Variants in SLC9A2 observed in about 807,000 individuals in gnomAD.
SLC9A2 encodes solute carrier family 9 member A2.
Under a neutral mutation model 71.7 loss-of-function variants are expected in SLC9A2, and 42 were observed. The ratio of observed to expected loss-of-function variants is 0.59; its 90% CI spans 0.46 to 0.76. The LOEUF (loss-of-function observed/expected upper bound fraction) is 0.76. Ranked by LOEUF, SLC9A2 falls within the 30% of genes least tolerant of loss-of-function variation. SLC9A2 has a pLI of 0.00. For synonymous variants in SLC9A2, 396 were observed against 392.5 expected (o/e 1.01, Z -0.10); for missense variants, 829 against 1,017.4 (o/e 0.81, Z 2.52).
At chr2:102,624,104 AC>A (rs768177946) in intron 1 of SLC9A2, among the ~76,000 whole-genome samples, 9 of 152,186 alleles carry the variant, frequency 5.9e-5, no homozygotes, top group Non-Finnish European at 1.0e-4. Context: ...TATAACATTT[AC>A]CAAAACAATG....
chr2:102,632,069 T>C (rs1218860748), intron 1 of SLC9A2, among the ~76,000 whole-genome samples: 2 of 136,022 alleles, frequency 1.5e-5, no homozygotes, highest in Admixed American at 7.5e-5. Flanking sequence ...TACACACACA[T>C]ATATATACAC....
At chr2:102,636,106 A>C (rs964066240) in intron 1 of SLC9A2, among the ~76,000 whole-genome samples, 11 of 152,148 alleles carry the variant, frequency 7.2e-5, no homozygotes, top group African/African-American at 2.4e-4. Context: ...AACTATATGG[A>C]ACTGTAAGAA....
intron 3 of SLC9A2, among the ~76,000 whole-genome samples, chr2:102,677,003 T>G (rs957130295): frequency 3.3e-5 from 5 of 152,204 alleles, no homozygotes; most frequent in Admixed American, 1.3e-4. Context: ...TTCTACACAG[T>G]TCAGATTGTA....
At chr2:102,654,807 A>G (rs1676907175) in intron 1 of SLC9A2, among the ~76,000 whole-genome samples, 1 of 152,254 alleles carries the variant, frequency 6.6e-6, no homozygotes, top group African/African-American at 2.4e-5. Flanking sequence ...CTACCAGCCT[A>G]TCGCTCCTAG....
At chr2:102,703,751 T>A (rs185220491) in intron 9 of SLC9A2, among the ~76,000 whole-genome samples, 7 of 152,218 alleles carry the variant, frequency 4.6e-5, no homozygotes, top group Admixed American at 4.6e-4. Flanking sequence ...ATTTAATTAT[T>A]ATTTATGATT....
chr2:102,648,861 A>G (rs1676779757), intron 1 of SLC9A2, among the ~76,000 whole-genome samples: 1 of 152,236 alleles, frequency 6.6e-6, no homozygotes, highest in Non-Finnish European at 1.5e-5. Flanking sequence ...AAAACATTCC[A>G]TGCTCATGGA....
intron 10 of SLC9A2, 62 bp from the exon 11 acceptor site, chr2:102,705,784 T>G (rs1677962736): frequency 1.0e-6 from 1 of 968,058 alleles, no homozygotes; most frequent in Non-Finnish European, 1.5e-6. Flanking sequence ...CAATTTTTAA[T>G]CTTTAATATA....
chr2:102,669,419 G>A (rs952118634), intron 3 of SLC9A2, among the ~76,000 whole-genome samples: 1 of 152,158 alleles, frequency 6.6e-6, no homozygotes, highest in Non-Finnish European at 1.5e-5. Context: ...GGAATAAATT[G>A]TGGCAATAGG....
intron 7 of SLC9A2, among the ~76,000 whole-genome samples, chr2:102,695,826 A>AT (rs1558723334): frequency 9.2e-6 from 1 of 108,648 alleles, no homozygotes; most frequent in Non-Finnish European, 2.2e-5. Context: ...TATATATATA[A>AT]AAAGCTAAAA....
chr2:102,653,489 T>G (rs1311957181), intron 1 of SLC9A2, among the ~76,000 whole-genome samples: 1 of 152,230 alleles, frequency 6.6e-6, no homozygotes, highest in Admixed American at 6.5e-5. Flanking sequence ...CCATGTTTTA[T>G]TTGCTGCTTC....
chr2:102,631,956 T>G (rs1676363312), intron 1 of SLC9A2, among the ~76,000 whole-genome samples: 1 of 140,700 alleles, frequency 7.1e-6, no homozygotes, highest in Non-Finnish European at 1.5e-5. Flanking sequence ...TAACAAGTAT[T>G]CATCTACTTG....
chr2:102,621,262 C>G (rs1463073131), intron 1 of SLC9A2, among the ~76,000 whole-genome samples: 1 of 147,304 alleles, frequency 6.8e-6, no homozygotes, highest in Admixed American at 7.0e-5. Context: ...GGAGGAGGAT[C>G]GCTTAAACTC....
intron 1 of SLC9A2, among the ~76,000 whole-genome samples, chr2:102,637,532 C>G (rs1301754560): frequency 2.6e-5 from 4 of 152,162 alleles, no homozygotes; most frequent in African/African-American, 9.7e-5. Flanking sequence ...GGGCATGAGT[C>G]AAATCCTGCG....
chr2:102,676,801 C>T (rs979208062), intron 3 of SLC9A2, among the ~76,000 whole-genome samples: 2 of 152,206 alleles, frequency 1.3e-5, no homozygotes, highest in African/African-American at 2.4e-5. Flanking sequence ...TTAATCAATA[C>T]AGAAAAAGCT....
At chr2:102,654,907 A>C (rs1358885332) in intron 1 of SLC9A2, among the ~76,000 whole-genome samples, 3 of 152,228 alleles carry the variant, frequency 2.0e-5, no homozygotes, top group Admixed American at 2.0e-4. Context: ...ACATATCTAG[A>C]CATAGAAAAG....
chr2:102,639,698 A>G (rs1280434543), intron 1 of SLC9A2, among the ~76,000 whole-genome samples: 1 of 151,942 alleles, frequency 6.6e-6, no homozygotes. Context: ...TTAAACACTT[A>G]CTCCCTGTCA....
chr2:102,674,991 G>A (rs886859221), intron 3 of SLC9A2, among the ~76,000 whole-genome samples: 1 of 152,196 alleles, frequency 6.6e-6, no homozygotes, highest in Non-Finnish European at 1.5e-5. Flanking sequence ...CATTTCAGAG[G>A]AAGCACTGTG....
chr2:102,621,439 A>G (rs1167974932), intron 1 of SLC9A2, among the ~76,000 whole-genome samples: 2 of 151,510 alleles, frequency 1.3e-5, no homozygotes, highest in African/African-American at 4.8e-5. Flanking sequence ...ATATTTTCTC[A>G]TCTTCATTAC....
At chr2:102,629,474 C>A (rs1275083847) in intron 1 of SLC9A2, among the ~76,000 whole-genome samples, 7 of 151,900 alleles carry the variant, frequency 4.6e-5, no homozygotes, top group African/African-American at 1.7e-4. Context: ...TTGGCTAGGC[C>A]TCATTAAACC....
Sources: allele counts gnomAD v4.1 joint callset (sites outside exome capture counted in the v4.1 genomes callset), GRCh38; gene constraint gnomAD v4.1.1; transcripts MANE v1.5; gene names NCBI Gene and HGNC (gene_info 2026-07-23, HGNC 2026-07-21).